The following TRIM44 variants were observed in gnomAD, a reference collection of about 807,000 sequenced individuals.
The protein encoded by TRIM44 is tripartite motif containing 44.
A neutral mutation model predicts 37.4 loss-of-function variants in TRIM44; 13 were observed. The ratio of observed to expected loss-of-function variants is 0.35; its 90% CI spans 0.23 to 0.55. The LOEUF (loss-of-function observed/expected upper bound fraction) is 0.55. TRIM44 is among the 20% of genes least tolerant of loss of function. The pLI, the probability that TRIM44 is intolerant of heterozygous loss-of-function variation, is 0.89. For synonymous variants in TRIM44, 175 were observed against 157.2 expected, an observed-to-expected ratio of 1.11 and a Z score of -0.85; for missense variants, 426 against 437.2, an observed-to-expected ratio of 0.97 and a Z score of 0.23.
At chr11:35,759,600 T>C (rs1471221373) in intron 4 of TRIM44, among the ~76,000 whole-genome samples, 1 of 152,236 alleles carries the variant, frequency 6.6e-6, no homozygotes, top group Non-Finnish European at 1.5e-5. Context: ...TTCCAGTTTT[T>C]CTGCTCTGTT....
chr11:35,717,743 A>C (rs1437317742), intron 2 of TRIM44, among the ~76,000 whole-genome samples: 1 of 152,178 alleles, frequency 6.6e-6, no homozygotes, highest in Non-Finnish European at 1.5e-5. Context: ...GAAAGCACCA[A>C]GATAGAAGCA....
At chr11:35,804,099 A>G (rs1853414334) in intron 4 of TRIM44, among the ~76,000 whole-genome samples, 1 of 152,118 alleles carries the variant, frequency 6.6e-6, no homozygotes, top group Non-Finnish European at 1.5e-5. Flanking sequence ...TTTTGTTTCT[A>G]GCATCATGAC....
At chr11:35,691,828 G>C (rs1391965476) in intron 2 of TRIM44, among the ~76,000 whole-genome samples, 1 of 152,044 alleles carries the variant, frequency 6.6e-6, no homozygotes, top group Non-Finnish European at 1.5e-5. Context: ...TGTATTTTTA[G>C]TAGAGACGGG....
chr11:35,679,747 T>G (rs1223445612), intron 1 of TRIM44, among the ~76,000 whole-genome samples: 1 of 152,206 alleles, frequency 6.6e-6, no homozygotes, highest in South Asian at 2.1e-4. Context: ...AACTTAAAAC[T>G]CTTAGTGGAT....
chr11:35,777,036 T>A (rs1334363401), intron 4 of TRIM44, among the ~76,000 whole-genome samples: 3 of 152,204 alleles, frequency 2.0e-5, no homozygotes, highest in Non-Finnish European at 4.4e-5. Context: ...CGTTGATCTG[T>A]CTAATGTTGA....
chr11:35,745,770 A>G (rs1027708279), intron 4 of TRIM44, among the ~76,000 whole-genome samples: 1 of 152,152 alleles, frequency 6.6e-6, no homozygotes, highest in African/African-American at 2.4e-5. Flanking sequence ...CACTCAGACT[A>G]TGACAATTTA....
At chr11:35,696,153 T>C (rs1851694614) in intron 2 of TRIM44, among the ~76,000 whole-genome samples, 1 of 151,244 alleles carries the variant, frequency 6.6e-6, no homozygotes, top group Non-Finnish European at 1.5e-5. Flanking sequence ...TTTTTTTTTT[T>C]TTTGAGACGG....
At chr11:35,709,077 A>C (rs921219255) in intron 2 of TRIM44, among the ~76,000 whole-genome samples, 1 of 151,976 alleles carries the variant, frequency 6.6e-6, no homozygotes, top group Admixed American at 6.6e-5. Flanking sequence ...TACTTATCCA[A>C]AGTCAGCCAA....
At chr11:35,788,898 G>A (rs1487964560) in intron 4 of TRIM44, among the ~76,000 whole-genome samples, 1 of 152,138 alleles carries the variant, frequency 6.6e-6, no homozygotes, top group Non-Finnish European at 1.5e-5. Flanking sequence ...TTGTTCCACA[G>A]GCTTTGCTTA....
chr11:35,759,545 A>G (rs1852694625), intron 4 of TRIM44, among the ~76,000 whole-genome samples: 1 of 152,234 alleles, frequency 6.6e-6, no homozygotes, highest in Admixed American at 6.5e-5. Context: ...GCTGGTAAGT[A>G]GCTGCATTCC....
chr11:35,704,278 G>A (rs998395761), intron 2 of TRIM44, among the ~76,000 whole-genome samples: 16 of 152,178 alleles, frequency 1.1e-4, no homozygotes, highest in African/African-American at 3.9e-4. Context: ...CCAAATCTAC[G>A]TCTGATTGGT....
Position 35,812,222 on chromosome 11 carries a change from G to GGT in TRIM44, c.*5838_*5839dup, listed in dbSNP as rs1327361096. ...CCCATTTCCTTTATACTCATAAAAA[G>GGT]GTAGAATTTCAGCTTGTCTGGAATA... On this transcript the variant is annotated 3_prime_UTR_variant, in exon 5 of 5. Coordinates refer to ENST00000299413, the MANE Select transcript of TRIM44 (RefSeq NM_017583.6). 1 of 152,124 alleles carries GGT rather than the reference G, an allele frequency of 6.6e-6. No individual in the cohort carries two copies. Among genetic ancestry groups the GGT allele is most frequent in the Non-Finnish European group, 1.5e-5 (1 of 68,014 alleles). 9.4% of individuals were successfully genotyped at this position (152,124 alleles called of 1,614,324 possible).
intron 1 of TRIM44, among the ~76,000 whole-genome samples, chr11:35,672,892 T>C (rs556507543): frequency 1.3e-5 from 2 of 152,332 alleles, no homozygotes. Flanking sequence ...AACCAGTGTC[T>C]TATTTATTTG....
intron 4 of TRIM44, among the ~76,000 whole-genome samples, chr11:35,752,805 C>T (rs1259881034): frequency 2.0e-5 from 3 of 152,204 alleles, no homozygotes; most frequent in East Asian, 1.9e-4. Context: ...CTCGTTCTCT[C>T]GCTTCATCCA....
rs138318441 is a variant in TRIM44, at chr11:35,702,313, T to C, written c.747+16977T>C. On this transcript the variant is annotated intron_variant, in intron 2 of 4. Coordinates refer to ENST00000299413, the MANE Select transcript of TRIM44 (RefSeq NM_017583.6). Reference sequence around the variant, plus strand: ...CCACGCTCCGGGAGGGCAGCGAGGGTGTGGGCGGCCCGTGCGCATCCACCG... The same window carrying C: ...CCACGCTCCGGGAGGGCAGCGAGGGCGTGGGCGGCCCGTGCGCATCCACCG... Among the ~76,000 whole-genome samples the C allele has an allele frequency of 1.3e-3, 191 of 152,198 alleles. 5 individuals are homozygous for C. Among genetic ancestry groups the C allele is most frequent in the African/African-American group, 4.5e-3 (188 of 41,512 alleles).
chr11:35,742,094 C>T (rs1046146894), intron 4 of TRIM44, among the ~76,000 whole-genome samples: 2 of 151,942 alleles, frequency 1.3e-5, no homozygotes, highest in African/African-American at 2.4e-5. Context: ...AGGTTCATGC[C>T]ACCATGCCTG....
chr11:35,731,655 T>C (rs931742678), intron 3 of TRIM44, among the ~76,000 whole-genome samples: 2 of 152,222 alleles, frequency 1.3e-5, no homozygotes, highest in Admixed American at 1.3e-4. Flanking sequence ...CATCATTTTA[T>C]AAAACTCTTT....
intron 2 of TRIM44, 101 bp downstream of exon 2, chr11:35,685,437 C>A: frequency 2.1e-6 from 2 of 966,012 alleles, no homozygotes; most frequent in Non-Finnish European, 3.2e-6. Context: ...CTGAATATTG[C>A]ATTAAGATTT....
intron 4 of TRIM44, among the ~76,000 whole-genome samples, chr11:35,742,583 AT>A (rs1207427068): frequency 7.5e-6 from 1 of 132,546 alleles, no homozygotes; most frequent in Non-Finnish European, 1.5e-5. Flanking sequence ...TATTAATTAT[AT>A]TAATTGTATT....
Sources: gnomAD v4.1 joint callset for allele counts (sites outside exome capture counted in the v4.1 genomes callset) on GRCh38, gnomAD v4.1.1 for gene constraint, MANE v1.5 for transcripts, NCBI Gene and HGNC (gene_info 2026-07-23, HGNC 2026-07-21) for gene names.